Variants in GRM8 observed in about 807,000 individuals in gnomAD.
GRM8 encodes the protein glutamate metabotropic receptor 8.
Under a neutral mutation model 87.2 loss-of-function variants are expected in GRM8, and 47 were observed. The ratio of observed to expected loss-of-function variants is 0.54; its 90% confidence interval spans 0.43 to 0.69. GRM8 has a LOEUF of 0.69. Ranked by LOEUF, GRM8 falls within the 30% of genes least tolerant of loss-of-function variation. GRM8 has a pLI of 0.00. For synonymous variants in GRM8, 396 were observed against 404.5 expected (o/e 0.98, Z 0.25); for missense variants, 1,019 against 1,139.2 (o/e 0.89, Z 1.52).
intron 8 of GRM8, among the ~76,000 whole-genome samples, chr7:126,535,925 G>A (rs79978040): frequency 9.8e-4 from 150 of 152,302 alleles, no homozygotes; most frequent in Non-Finnish European, 1.4e-3. Context: ...ACATCTGAAT[G>A]ACATCTTGAA....
At chr7:126,969,761 T>A (rs781431091) in intron 3 of GRM8, among the ~76,000 whole-genome samples, 24 of 152,110 alleles carry the variant, frequency 1.6e-4, no homozygotes, top group Non-Finnish European at 8.8e-5. Context: ...TTTCCAGGAG[T>A]CTTCATTTAC....
chr7:126,769,075 T>C (rs974767507), intron 7 of GRM8, among the ~76,000 whole-genome samples: 36 of 152,166 alleles, frequency 2.4e-4, no homozygotes, highest in African/African-American at 7.9e-4. Flanking sequence ...GGCATGTCCA[T>C]TGTATGGATT....
chr7:127,091,273 A>T (rs184374580), intron 3 of GRM8, among the ~76,000 whole-genome samples: 1 of 151,804 alleles, frequency 6.6e-6, no homozygotes, highest in Admixed American at 6.6e-5. Context: ...TTCCTGTCAT[A>T]CCCCACTGAT....
chr7:126,740,855 A>G (rs1288763973), intron 7 of GRM8, among the ~76,000 whole-genome samples: 1 of 152,158 alleles, frequency 6.6e-6, no homozygotes, highest in Non-Finnish European at 1.5e-5. Context: ...AAGCATAGAC[A>G]TTTCCCAACG....
At position 126,560,713 on chromosome 7, in the gene GRM8, T is replaced by G. The variant is rs1858950; in HGVS notation, c.1495-26826A>C. Among the ~76,000 whole-genome samples the G allele has an allele frequency of 7.5e-3, 1,136 of 152,312 alleles. 15 individuals are homozygous for G. The highest frequency in any genetic ancestry group is 0.025 in the African/African-American group (1,055 of 41,572). On this transcript the variant is annotated intron_variant, in intron 8 of 10. Coordinates refer to ENST00000339582, the MANE Select transcript of GRM8 (RefSeq NM_000845.3). ...TAATTCTATAAATATCATTTTGAAG[T>G]ACTAGCATTCCAATTTCAAGAAATA...
intron 7 of GRM8, among the ~76,000 whole-genome samples, chr7:126,769,603 T>C (rs1368331178): frequency 2.0e-5 from 3 of 152,046 alleles, no homozygotes; most frequent in Admixed American, 6.6e-5. Flanking sequence ...AAGTGATCTC[T>C]TCAATAGTGA....
At chr7:127,158,677 G>A (rs1413473946) in intron 2 of GRM8, among the ~76,000 whole-genome samples, 1 of 152,258 alleles carries the variant, frequency 6.6e-6, no homozygotes, top group Non-Finnish European at 1.5e-5. Flanking sequence ...ATCCATGACA[G>A]TGGAGCCCTC....
At chr7:126,749,698 G>A (rs957217146) in intron 7 of GRM8, among the ~76,000 whole-genome samples, 9 of 152,080 alleles carry the variant, frequency 5.9e-5, no homozygotes, top group African/African-American at 2.2e-4. Context: ...GATCAGAGAA[G>A]ATATAGGAAT....
chr7:126,922,930 C>T (rs772190824), intron 3 of GRM8, among the ~76,000 whole-genome samples: 35 of 152,228 alleles, frequency 2.3e-4, no homozygotes, highest in South Asian at 8.3e-4. Context: ...TGAGGCCTCC[C>T]CAGAAGCAGA....
intron 6 of GRM8, among the ~76,000 whole-genome samples, chr7:126,819,508 T>A (rs1311823473): frequency 6.6e-6 from 1 of 152,170 alleles, no homozygotes; most frequent in African/African-American, 2.4e-5. Context: ...ATCATATTAA[T>A]CTCTTTGATA....
chr7:126,550,219 A>G (rs1792429710), intron 8 of GRM8, among the ~76,000 whole-genome samples: 1 of 151,822 alleles, frequency 6.6e-6, no homozygotes, highest in Non-Finnish European at 1.5e-5. Flanking sequence ...GGTTCAAGCA[A>G]TTCTCCTGCC....
rs374046005 is a variant in GRM8 at position 126,533,411 on chromosome 7, A to G, written c.1971T>C (p.Leu657=). The G allele has an allele frequency of 5.6e-6, 9 of 1,614,024 alleles. No homozygotes were observed. Among genetic ancestry groups the G allele is most frequent in the African/African-American group, 5.3e-5 (4 of 75,028 alleles). The change falls in exon 9 of 11, where the codon CTT becomes CTC. Residue 657 remains leucine, a synonymous_variant. Transcript: ENST00000339582. ...ICSFRRVFLG[L]GMCFSYAALL... is the part of the protein sequence containing the mutation. ...GGGCTGCATAGCTGAAACACATGCC[A>G]AGTCCTAGGAAGACCCGTCGGAAGG...
At chr7:126,775,259 T>TA (rs1819291886) in intron 6 of GRM8, among the ~76,000 whole-genome samples, 1 of 152,144 alleles carries the variant, frequency 6.6e-6, no homozygotes, top group Non-Finnish European at 1.5e-5. Flanking sequence ...TAAATACATT[T>TA]ATGCATCTAG....
rs184487209 is a variant in GRM8 at position 126,803,898 on chromosome 7, G to A, written c.1157-33833C>T. 4.0e-3 allele frequency among the ~76,000 whole-genome samples: 603 copies of A among 152,348 alleles called. 4 individuals are homozygous for A. Among genetic ancestry groups the A allele is most frequent in the South Asian group, 0.022 (107 of 4,822 alleles). Reference sequence around the variant, plus strand: ...ATGTGTTTAAAGTGCTAAGTTTAAGGCAGTATGCCTGGCACATAGTAAATC... The same window carrying A: ...ATGTGTTTAAAGTGCTAAGTTTAAGACAGTATGCCTGGCACATAGTAAATC... On this transcript the variant is annotated intron_variant, in intron 6 of 10. Coordinates refer to ENST00000339582, the MANE Select transcript of GRM8 (RefSeq NM_000845.3).
intron 9 of GRM8, among the ~76,000 whole-genome samples, chr7:126,481,668 T>C (rs540002328): frequency 6.6e-6 from 1 of 152,068 alleles, no homozygotes; most frequent in South Asian, 2.1e-4. Context: ...TGAGGAACTG[T>C]CACAGATTGA....
chr7:126,747,908 A>G (rs748143941), intron 7 of GRM8, among the ~76,000 whole-genome samples: 1 of 151,952 alleles, frequency 6.6e-6, no homozygotes, highest in African/African-American at 2.4e-5. Flanking sequence ...CACTTTGCAT[A>G]TAAGTTTCTA....
At chr7:126,612,740 A>C (rs1278425817) in intron 7 of GRM8, among the ~76,000 whole-genome samples, 1 of 152,268 alleles carries the variant, frequency 6.6e-6, no homozygotes, top group African/African-American at 2.4e-5. Context: ...GACAGTGTTC[A>C]GTACTGAGCA....
intron 8 of GRM8, among the ~76,000 whole-genome samples, chr7:126,604,003 AAC>A (rs1554416597): frequency 6.6e-6 from 1 of 152,070 alleles, no homozygotes; most frequent in South Asian, 2.1e-4. Flanking sequence ...ATTAAAAAAA[AAC>A]AGTTGTTTAT....
chr7:126,912,038 CA>C (rs538760919), intron 3 of GRM8, among the ~76,000 whole-genome samples: 132 of 150,994 alleles, frequency 8.7e-4, no homozygotes, highest in African/African-American at 3.1e-3. Flanking sequence ...ACTAAAAATA[CA>C]AAAAAAAATT....
Sources: allele counts gnomAD v4.1 joint callset (sites outside exome capture counted in the v4.1 genomes callset), GRCh38; gene constraint gnomAD v4.1.1; transcripts MANE v1.5; gene names NCBI Gene and HGNC (gene_info 2026-07-23, HGNC 2026-07-21).